GABRA3: variants seen among roughly 807,000 people sequenced by gnomAD.
GABRA3 encodes the protein gamma-aminobutyric acid receptor subunit alpha-3.
Under a neutral mutation model 30.1 loss-of-function variants are expected in GABRA3, and 10 were observed. That is an observed-to-expected ratio of 0.33 (90% confidence interval 0.20 to 0.56). GABRA3 has a LOEUF of 0.56. Ranked by LOEUF, GABRA3 falls within the 20% of genes least tolerant of loss-of-function variation. The pLI, the probability that GABRA3 is intolerant of heterozygous loss-of-function variation, is 0.89. For missense variants in GABRA3, 233 were observed against 392.0 expected (o/e 0.59, Z 3.42); for synonymous variants, 151 against 146.8 (o/e 1.03, Z -0.21).
intron 1 of GABRA3, among the ~76,000 whole-genome samples, chrX:152,395,707 C>T (rs751242635): frequency 1.2e-4 from 13 of 111,496 alleles, no homozygotes; most frequent in African/African-American, 2.6e-4. Flanking sequence ...GCTGTAAATA[C>T]GCAAAATACA....
At chrX:152,272,138 G>C (rs989231550) in intron 4 of GABRA3, among the ~76,000 whole-genome samples, 14 of 111,578 alleles carry the variant, frequency 1.3e-4, no homozygotes, top group African/African-American at 4.6e-4. Context: ...GCATCCTGCA[G>C]ACCCCAGAAT....
At chrX:152,418,893 A>G (rs1930304143) in intron 1 of GABRA3, among the ~76,000 whole-genome samples, 2 of 111,564 alleles carry the variant, frequency 1.8e-5, no homozygotes, top group African/African-American at 6.5e-5. Context: ...AACCAACCCA[A>G]ATGTCCATCA....
chrX:152,193,763 C>A, intron 8 of GABRA3, among the ~76,000 whole-genome samples: 1 of 112,294 alleles, frequency 8.9e-6, no homozygotes, highest in South Asian at 3.7e-4. Context: ...CTTTGGGAGG[C>A]TGAGGCGGGT....
At chrX:152,182,512 T>C (rs1440374612) in intron 9 of GABRA3, among the ~76,000 whole-genome samples, 5 of 82,549 alleles carry the variant, frequency 6.1e-5, no homozygotes, top group Non-Finnish European at 1.2e-4. Flanking sequence ...ATATACTCTA[T>C]ATAGTATACA....
At chrX:152,329,267 C>G (rs1940121695) in intron 3 of GABRA3, among the ~76,000 whole-genome samples, 1 of 111,663 alleles carries the variant, frequency 9.0e-6, no homozygotes, top group African/African-American at 3.3e-5. Flanking sequence ...AATGGCCATA[C>G]TGCCCAAGGT....
intron 9 of GABRA3, among the ~76,000 whole-genome samples, chrX:152,175,225 G>A (rs377485971): frequency 9.2e-6 from 1 of 109,011 alleles, no homozygotes; most frequent in African/African-American, 3.4e-5. Flanking sequence ...ACTCATAAAT[G>A]TCACCAATCC....
At chrX:152,254,830 A>T (rs1938611365) in intron 5 of GABRA3, among the ~76,000 whole-genome samples, 1 of 111,834 alleles carries the variant, frequency 8.9e-6, no homozygotes, top group Admixed American at 9.5e-5. Flanking sequence ...CACTACACAA[A>T]ATTAGCACTC....
chrX:152,304,725 A>C (rs1456096503), intron 3 of GABRA3, among the ~76,000 whole-genome samples: 5 of 111,902 alleles, frequency 4.5e-5, no homozygotes, highest in African/African-American at 1.3e-4. Flanking sequence ...AAATAGGCTA[A>C]TGTGATGCCT....
intron 4 of GABRA3, among the ~76,000 whole-genome samples, chrX:152,261,823 G>A (rs1331606055): frequency 8.9e-6 from 1 of 112,176 alleles, no homozygotes; most frequent in Non-Finnish European, 1.9e-5. Context: ...TCCACTATGC[G>A]GTGCCCCAGT....
intron 4 of GABRA3, among the ~76,000 whole-genome samples, chrX:152,264,473 AC>A (rs1938786663): frequency 9.0e-6 from 1 of 111,477 alleles, no homozygotes; most frequent in African/African-American, 3.3e-5. Flanking sequence ...GTAAACTTAA[AC>A]CAAAAACCAT....
intron 1 of GABRA3, among the ~76,000 whole-genome samples, chrX:152,374,053 G>C (rs1471055802): frequency 9.0e-6 from 1 of 111,183 alleles, no homozygotes; most frequent in Non-Finnish European, 1.9e-5. Context: ...TTTCTCTAAT[G>C]ATCAATGATG....
At chrX:152,378,103 C>T (rs1272539897) in intron 1 of GABRA3, among the ~76,000 whole-genome samples, 3 of 112,185 alleles carry the variant, frequency 2.7e-5, no homozygotes, top group South Asian at 7.3e-4. Context: ...CCTCAGGTGA[C>T]CTGCAGAAGT....
At chrX:152,209,821 A>AT (rs1159640076) in intron 6 of GABRA3, among the ~76,000 whole-genome samples, 1 of 112,610 alleles carries the variant, frequency 8.9e-6, no homozygotes, top group Non-Finnish European at 1.9e-5. Context: ...ATGAACAAAT[A>AT]TTCATAACTC....
Position 152,168,550 on chromosome X carries a change from G to T in GABRA3, c.1157C>A (p.Ala386Glu), listed in dbSNP as rs1488609749. 8.3e-7 allele frequency: 1 copy of T among 1,205,336 alleles called. No individual in the cohort carries two copies. The highest frequency in any genetic ancestry group is 1.1e-6 in the Non-Finnish European group (1 of 890,206). The change falls in exon 10 of 10, where the codon GCA becomes GAA. Residue 386 changes from alanine (A) to glutamate (E), a missense_variant. This residue lies in a region of GABRA3 where 66 missense variants were observed against 57.1 expected (regional missense o/e 1.16). Coordinates refer to ENST00000370314, the MANE Select transcript of GABRA3 (RefSeq NM_000808.4). ...EALEMKKKTP[A>E]APAKKTSTTF... is the part of the protein sequence containing the mutation. ...AGTGCTGGTTTTCTTTGCTGGGGCT[G>T]CTGGTGTTTTCTTCTAGAGGCCAGG...
chrX:152,308,772 TC>T (rs1425166171), intron 3 of GABRA3, among the ~76,000 whole-genome samples: 1 of 111,814 alleles, frequency 8.9e-6, no homozygotes, highest in Non-Finnish European at 1.9e-5. Context: ...CTGAACTACC[TC>T]CCCAGAAATG....
At chrX:152,423,634 C>G (rs1930433665) in intron 1 of GABRA3, among the ~76,000 whole-genome samples, 1 of 111,451 alleles carries the variant, frequency 9.0e-6, no homozygotes, top group African/African-American at 3.3e-5. Flanking sequence ...TATTTCTGTA[C>G]ACTTTAATTT....
chrX:152,230,090 G>A (rs1172361238), intron 5 of GABRA3, among the ~76,000 whole-genome samples: 3 of 111,607 alleles, frequency 2.7e-5, no homozygotes, highest in Non-Finnish European at 5.7e-5. Context: ...AAGAAGAAAA[G>A]AAATGGGGAA....
chrX:152,414,571 G>A (rs1027437382), intron 1 of GABRA3, among the ~76,000 whole-genome samples: 2 of 110,953 alleles, frequency 1.8e-5, no homozygotes, highest in African/African-American at 6.5e-5. Context: ...AGGAATTCTC[G>A]TACATTGCTG....
intron 1 of GABRA3, among the ~76,000 whole-genome samples, chrX:152,439,690 T>TG (rs1330573920): frequency 1.8e-5 from 2 of 111,446 alleles, no homozygotes; most frequent in African/African-American, 3.3e-5. Context: ...GGCTAAATAG[T>TG]GGGAAAAAAA....
Sources: allele counts gnomAD v4.1 joint callset (sites outside exome capture counted in the v4.1 genomes callset), GRCh38; gene constraint gnomAD v4.1.1; regional missense constraint gnomAD v4.1.1; transcripts MANE v1.5; gene names NCBI Gene and HGNC (gene_info 2026-07-23, HGNC 2026-07-21).